Variants in CACNA1B observed in about 807,000 individuals in gnomAD.
CACNA1B encodes the protein calcium voltage-gated channel subunit alpha1 B.
Under a neutral mutation model 247.2 loss-of-function variants are expected in CACNA1B, and 70 were observed. The observed-to-expected ratio is 0.28, with a 90% CI of 0.23 to 0.35. The LOEUF (loss-of-function observed/expected upper bound fraction) is 0.35. CACNA1B is among the 10% of genes least tolerant of loss of function. The pLI is 1.00. For synonymous variants in CACNA1B, 1,231 were observed against 1,294.4 expected (o/e 0.95, Z 1.05); for missense variants, 2,367 against 3,197.4 (o/e 0.74, Z 6.26).
chr9:137,897,650 T>C (rs368472873), intron 3 of CACNA1B, among the ~76,000 whole-genome samples: 1 of 152,222 alleles, frequency 6.6e-6, no homozygotes, highest in African/African-American at 2.4e-5. Flanking sequence ...CATTTTAATA[T>C]GTTGTATTTT....
chr9:138,096,815 C>G (rs1012070410), intron 37 of CACNA1B, among the ~76,000 whole-genome samples: 1 of 146,208 alleles, frequency 6.8e-6, no homozygotes, highest in African/African-American at 2.6e-5. Flanking sequence ...TGTGCCTTCG[C>G]GCAGTGGCCC....
chr9:138,078,362 G>A, intron 36 of CACNA1B, 104 bp downstream of exon 36: 2 of 1,177,758 alleles, frequency 1.7e-6, no homozygotes, highest in South Asian at 1.4e-5. Context: ...TCCAGGCCAT[G>A]TCAGAAGCTG....
At chr9:138,094,456 A>AG in intron 36 of CACNA1B, among the ~76,000 whole-genome samples, 1 of 147,668 alleles carries the variant, frequency 6.8e-6, no homozygotes, top group Non-Finnish European at 1.5e-5. Flanking sequence ...AAAAAAAAAA[A>AG]AAAGAAGAAG....
Position 138,074,057 on chromosome 9 carries a change from C to T in CACNA1B, c.4848C>T (p.Ile1616=), listed in dbSNP as rs77664166. The stretch of plus-strand genomic sequence containing the variant: ...TGCTGTTCTTCATCTACGCCATCAT[C>T]GGCATGCAGGTGGGTGCTCCCCTTT... ...IAMLFFIYAI[I]GMQVFGNIAL... is the part of the protein sequence containing the mutation. The change falls in exon 34 of 47, where the codon ATC becomes ATT. Residue 1616 remains isoleucine (I), a synonymous_variant. Coordinates refer to ENST00000371372, the MANE Select transcript of CACNA1B (RefSeq NM_000718.4). 3.5e-3 allele frequency: 5,630 copies of T among 1,612,292 alleles called. 18 individuals carry two copies. The highest frequency in any genetic ancestry group is 4.2e-3 in the Non-Finnish European group (5,004 of 1,179,410).
intron 41 of CACNA1B, among the ~76,000 whole-genome samples, chr9:138,114,815 T>G (rs1961797652): frequency 6.6e-6 from 1 of 151,958 alleles, no homozygotes. Flanking sequence ...TTGAGGAGGA[T>G]TGTTTGGAGA....
In CACNA1B at chr9:137,908,241, C is replaced by T. The variant is rs565208432; in HGVS notation, c.531-4939C>T. Among the ~76,000 whole-genome samples the T allele has an allele frequency of 1.4e-4, 21 of 152,256 alleles. No homozygotes were observed. In the East Asian group the frequency reaches 2.7e-3, roughly 20 times the overall value. Reference sequence around the variant, plus strand: ...TAAAAACAACTTTACTGAGGCTGGGCGCGGTGGCTCACGCCTGTAATCCCA... The same window carrying T: ...TAAAAACAACTTTACTGAGGCTGGGTGCGGTGGCTCACGCCTGTAATCCCA... On this transcript the variant is annotated intron_variant, in intron 3 of 46. Transcript: ENST00000371372.
chr9:138,120,668 A>C lies in CACNA1B; in HGVS notation c.6276A>C (p.Gly2092=). 6.6e-7 allele frequency: 1 copy of C among 1,510,682 alleles called. No individual in the cohort carries two copies. Among genetic ancestry groups the C allele is most frequent in the Non-Finnish European group, 8.8e-7 (1 of 1,135,320 alleles). The allele number at this position is 1,510,682 out of a possible 1,614,324, so 93.6% of individuals were successfully genotyped here. The stretch of plus-strand genomic sequence containing the variant: ...CTGTGGGGCCGGGGCTGCCCCCGGG[A>C]GAGGGGCCTACAGGCTGCCGGCGGG... ...SSAVGPGLPP[G]EGPTGCRRER... is the part of the protein sequence containing the mutation. The change falls in exon 46 of 47, where the codon GGA becomes GGC. Residue 2092 remains glycine (G), a synonymous_variant. Transcript: ENST00000371372.
At chr9:138,077,555 C>G (rs1181229098) in intron 35 of CACNA1B, among the ~76,000 whole-genome samples, 2 of 152,202 alleles carry the variant, frequency 1.3e-5, no homozygotes, top group Non-Finnish European at 2.9e-5. Context: ...CTGACCTGTG[C>G]TTAGTGGACC....
intron 10 of CACNA1B, among the ~76,000 whole-genome samples, chr9:137,970,647 G>A (rs950962373): frequency 5.9e-5 from 9 of 152,154 alleles, no homozygotes; most frequent in Admixed American, 1.3e-4. Context: ...TGCAGGTGAC[G>A]TTAATGCTGA....
Position 137,974,498 on chromosome 9 carries a change from G to A in CACNA1B, c.1544-1409G>A, listed in dbSNP as rs888252296. On this transcript the variant is annotated intron_variant, in intron 11 of 46. Coordinates refer to ENST00000371372, the MANE Select transcript of CACNA1B (RefSeq NM_000718.4). This position sits in a 1 kb window ranked among gnomAD's most constrained non-coding sequence, Gnocchi z 4.5. ...GGGGTGTCCGCTCCCTGAGACTCCT[G>A]TCTGTTTGTACGGTGCCTGAGTGGT... is the stretch of plus-strand genomic sequence containing the variant. 2.0e-5 allele frequency among the ~76,000 whole-genome samples: 3 copies of A among 152,182 alleles called. No individual in the cohort carries two copies. Among genetic ancestry groups the A allele is most frequent in the Non-Finnish European group, 2.9e-5 (2 of 68,024 alleles).
intron 26 of CACNA1B, among the ~76,000 whole-genome samples, chr9:138,056,379 GT>G (rs1271681331): frequency 6.6e-6 from 1 of 152,182 alleles, no homozygotes; most frequent in Non-Finnish European, 1.5e-5. Context: ...ATGTTTTCAG[GT>G]TTGTCCACGC....
At position 137,881,160 on chromosome 9, in the gene CACNA1B, C is replaced by T. The variant is rs1368350738; in HGVS notation, c.391-1584C>T. Among the ~76,000 whole-genome samples, 2 of 151,664 alleles carry T rather than the reference C, an allele frequency of 1.3e-5. No homozygotes were observed. Among genetic ancestry groups the T allele is most frequent in the Non-Finnish European group, 2.9e-5 (2 of 67,826 alleles). On this transcript the variant is annotated intron_variant, in intron 2 of 46. Transcript: ENST00000371372. The surrounding 1 kb of genome is among the most constrained non-coding windows in gnomAD (Gnocchi z 4.3). ...TCTGTCTGCTGCGGCCCCACTGTTCCCCTGGGGCAGATGGTCAGCAACCCC... is the reference window on the plus strand; with the variant it reads ...TCTGTCTGCTGCGGCCCCACTGTTCTCCTGGGGCAGATGGTCAGCAACCCC...
At chr9:138,118,507 G>C (rs1013376053) in intron 43 of CACNA1B, 145 bp from the exon 44 acceptor site, 32 of 577,682 alleles carry the variant, frequency 5.5e-5, no homozygotes, top group Non-Finnish European at 8.6e-5. Flanking sequence ...ACTGGGGTGG[G>C]GGACGTGTGA....
At chr9:138,093,204 A>G (rs116795666) in intron 36 of CACNA1B, among the ~76,000 whole-genome samples, 1 of 152,010 alleles carries the variant, frequency 6.6e-6, no homozygotes, top group Non-Finnish European at 1.5e-5. Flanking sequence ...CAGATCACCT[A>G]AGTTCAGGAG....
In CACNA1B at chr9:138,124,594, A is replaced by T. The variant is rs968219422; in HGVS notation, c.*2595A>T. On this transcript the variant is annotated 3_prime_UTR_variant, in exon 47 of 47. Coordinates refer to ENST00000371372, the MANE Select transcript of CACNA1B (RefSeq NM_000718.4). ...AGCAAAGTCCTTGAATTAAAATAAA[A>T]ACTTAGCAAAAAATCAAAAACAAAA... is the stretch of plus-strand genomic sequence containing the variant. The T allele has an allele frequency of 6.6e-6, 1 of 152,216 alleles. No individual in the cohort carries two copies. The highest frequency in any genetic ancestry group is 6.5e-5 in the Admixed American group (1 of 15,288). The allele number at this position is 152,216 out of a possible 1,614,324, so 9.4% of individuals were successfully genotyped here.
chr9:138,070,969 A>C (rs958184679), intron 32 of CACNA1B, among the ~76,000 whole-genome samples: 2 of 152,264 alleles, frequency 1.3e-5, no homozygotes, highest in African/African-American at 2.4e-5. Flanking sequence ...TGGGGTGCCC[A>C]GCTGACACTC....
chr9:137,969,150 G>A (rs1166246915), intron 10 of CACNA1B, among the ~76,000 whole-genome samples: 1 of 152,232 alleles, frequency 6.6e-6, no homozygotes, highest in African/African-American at 2.4e-5. Context: ...GGGTTGCTGA[G>A]CTGGGATGTG....
chr9:138,070,186 A>G (rs1222284906), intron 32 of CACNA1B, among the ~76,000 whole-genome samples: 2 of 152,180 alleles, frequency 1.3e-5, no homozygotes, highest in Non-Finnish European at 2.9e-5. Flanking sequence ...GTCCCCATCA[A>G]GCCAATCAAG....
rs529749173 is a variant in CACNA1B, at chr9:137,924,190, A to T, written c.966+6759A>T. The stretch of plus-strand genomic sequence containing the variant: ...CTGTAAGAACTCTGCCTAGTCCTGA[A>T]TCCTGAAGATTTTCTTTTTTTTTTT... On this transcript the variant is annotated intron_variant, in intron 6 of 46. Coordinates refer to ENST00000371372, the MANE Select transcript of CACNA1B (RefSeq NM_000718.4). 2.7e-4 allele frequency among the ~76,000 whole-genome samples: 41 copies of T among 150,602 alleles called. No homozygotes were observed. In the South Asian group the frequency reaches 8.6e-3, roughly 32 times the overall value.
Sources: gnomAD v4.1 joint callset for allele counts (sites outside exome capture counted in the v4.1 genomes callset) on GRCh38, gnomAD v4.1.1 for gene constraint, Gnocchi (gnomAD v3.1) non-coding constraint, MANE v1.5 for transcripts, NCBI Gene and HGNC (gene_info 2026-07-23, HGNC 2026-07-21) for gene names.